The following RBFOX1 variants were observed in gnomAD, a reference collection of about 807,000 sequenced individuals.
RBFOX1 encodes the protein RNA binding fox-1 homolog 1, also known as RNA binding protein fox-1 homolog 1.
RBFOX1 carries 8 observed loss-of-function variants against 57.7 expected under a neutral mutation model. The ratio of observed to expected loss-of-function variants is 0.14; its 90% confidence interval spans 0.08 to 0.25. RBFOX1 has a LOEUF of 0.25. RBFOX1 is among the 10% of genes least tolerant of loss of function. RBFOX1 has a pLI of 1.00. For missense variants in RBFOX1, 611 were observed against 548.5 expected, an observed-to-expected ratio of 1.11 and a Z score of -1.14; for synonymous variants, 326 against 222.4, an observed-to-expected ratio of 1.47 and a Z score of -4.15.
intron 4 of RBFOX1, among the ~76,000 whole-genome samples, chr16:7,215,370 T>G (rs542808300): frequency 4.6e-5 from 7 of 152,314 alleles, no homozygotes; most frequent in African/African-American, 9.6e-5. Context: ...CCTGCACATG[T>G]ATGTTTATTG....
At chr16:6,752,012 G>C (rs2075019460) in intron 3 of RBFOX1, among the ~76,000 whole-genome samples, 1 of 152,108 alleles carries the variant, frequency 6.6e-6, no homozygotes, top group African/African-American at 2.4e-5. Flanking sequence ...GTTGGAATAG[G>C]TGACTCAGTA....
intron 4 of RBFOX1, among the ~76,000 whole-genome samples, chr16:7,370,509 C>T (rs2097546892): frequency 6.6e-6 from 1 of 152,164 alleles, no homozygotes; most frequent in South Asian, 2.1e-4. Context: ...CCTCACTTTC[C>T]CTTCTTCCCC....
At chr16:7,668,681 C>CAG (rs397791455) in intron 13 of RBFOX1, among the ~76,000 whole-genome samples, 9 of 151,810 alleles carry the variant, frequency 5.9e-5, no homozygotes, top group South Asian at 2.1e-4. Context: ...CACACACACA[C>CAG]TTTTGTATAA....
chr16:6,448,156 CTTTTTT>C (rs397969435), intron 2 of RBFOX1, among the ~76,000 whole-genome samples: 3 of 78,460 alleles, frequency 3.8e-5, no homozygotes, highest in African/African-American at 1.7e-4. Flanking sequence ...TCTTTTCTTT[CTTTTTT>C]TTTTTTTTTT....
chr16:6,871,962 T>TCTG (rs2060982913), intron 3 of RBFOX1, among the ~76,000 whole-genome samples: 2 of 144,604 alleles, frequency 1.4e-5, no homozygotes, highest in African/African-American at 5.1e-5. Flanking sequence ...TGTGTGTGTG[T>TCTG]TTCCCTCGGT....
At chr16:5,922,190 T>C (rs1307173707) in intron 4 of RBFOX1, among the ~76,000 whole-genome samples, 6 of 151,764 alleles carry the variant, frequency 4.0e-5, no homozygotes, top group Admixed American at 2.6e-4. Flanking sequence ...AAACCCTAGC[T>C]CTCTATGTGA....
At chr16:6,499,339 A>G (rs1452396851) in intron 2 of RBFOX1, among the ~76,000 whole-genome samples, 1 of 151,846 alleles carries the variant, frequency 6.6e-6, no homozygotes, top group African/African-American at 2.4e-5. Flanking sequence ...CCTTTGGGGT[A>G]TTTTTTTACT....
intron 1 of RBFOX1, among the ~76,000 whole-genome samples, chr16:5,348,203 C>T (rs957367896): frequency 1.3e-5 from 2 of 151,910 alleles, no homozygotes; most frequent in Non-Finnish European, 2.9e-5. Flanking sequence ...TCCACCCGCC[C>T]ACTCACCCAT....
At chr16:5,500,711 T>G (rs7192998) in intron 2 of RBFOX1, among the ~76,000 whole-genome samples, 35,607 of 152,086 alleles carry the variant, frequency 0.23, 7,155 homozygotes, top group African/African-American at 0.55. Context: ...ATGGTCCCGT[T>G]GGCAAAGTGT....
intron 2 of RBFOX1, among the ~76,000 whole-genome samples, chr16:6,493,330 G>A (rs981447746): frequency 2.0e-5 from 3 of 152,112 alleles, no homozygotes; most frequent in Admixed American, 6.6e-5. Context: ...TATTAAATAT[G>A]TGTTAACAGT....
At chr16:6,745,065 T>C (rs2073250287) in intron 3 of RBFOX1, among the ~76,000 whole-genome samples, 1 of 152,064 alleles carries the variant, frequency 6.6e-6, no homozygotes, top group African/African-American at 2.4e-5. Context: ...CCTTATTTTA[T>C]GATATTAAGA....
rs1030670233 is a variant in RBFOX1 at position 6,019,443 on chromosome 16, G to C, written c.-676G>C. On this transcript the variant is annotated 5_prime_UTR_variant, in exon 1 of 16. Transcript: ENST00000550418. This position sits in a 1 kb window ranked among gnomAD's most constrained non-coding sequence, Gnocchi z 4.2. Reference sequence around the variant, plus strand: ...GGACGGAGCCCAGGGGCCGCGTCGGGTGGGGAAACCCGAACTCGCGGAGGG... The same window carrying C: ...GGACGGAGCCCAGGGGCCGCGTCGGCTGGGGAAACCCGAACTCGCGGAGGG... The C allele has an allele frequency of 1.0e-6, 1 of 990,324 alleles. No homozygotes were observed. Among genetic ancestry groups the C allele is most frequent in the Non-Finnish European group, 1.2e-6 (1 of 833,474 alleles). The allele number at this position is 990,324 out of a possible 1,614,324, so 61.3% of individuals were successfully genotyped here.
At chr16:6,379,681 CAAAAAAA>C (rs5815304) in intron 2 of RBFOX1, among the ~76,000 whole-genome samples, 1 of 96,480 alleles carries the variant, frequency 1.0e-5, no homozygotes, top group Non-Finnish European at 2.1e-5. Flanking sequence ...ATTTAGCTAC[CAAAAAAA>C]AAAAAAAAAA....
At chr16:6,822,289 C>A (rs535647178) in intron 3 of RBFOX1, among the ~76,000 whole-genome samples, 54 of 152,148 alleles carry the variant, frequency 3.5e-4, no homozygotes, top group South Asian at 2.3e-3. Flanking sequence ...TCCATTCTAT[C>A]ACCATTATTC....
At chr16:5,974,541 C>T (rs773801938) in intron 4 of RBFOX1, among the ~76,000 whole-genome samples, 4 of 151,978 alleles carry the variant, frequency 2.6e-5, no homozygotes, top group South Asian at 2.1e-4. Flanking sequence ...ACCCGGGAGG[C>T]GGAGGTTGCA....
intron 2 of RBFOX1, among the ~76,000 whole-genome samples, chr16:6,637,518 T>C (rs1348720742): frequency 9.7e-6 from 1 of 103,462 alleles, no homozygotes; most frequent in Non-Finnish European, 1.8e-5. Flanking sequence ...ATATAGTATA[T>C]ATAATATTCT....
chr16:6,519,304 G>A (rs1414866935), intron 2 of RBFOX1, among the ~76,000 whole-genome samples: 2 of 152,192 alleles, frequency 1.3e-5, no homozygotes, highest in Non-Finnish European at 2.9e-5. Context: ...TGATACTATT[G>A]TGTTGCATTG....
intron 2 of RBFOX1, among the ~76,000 whole-genome samples, chr16:6,544,833 G>A (rs949519435): frequency 5.3e-5 from 8 of 152,190 alleles, no homozygotes; most frequent in African/African-American, 1.7e-4. Context: ...CCCACGACCA[G>A]TGATATTATG....
intron 4 of RBFOX1, among the ~76,000 whole-genome samples, chr16:7,237,464 C>G (rs771029360): frequency 1.3e-5 from 2 of 152,194 alleles, no homozygotes; most frequent in Non-Finnish European, 2.9e-5. Context: ...CAGATTGTAA[C>G]TCATTTACAT....
Sources: allele counts gnomAD v4.1 joint callset (sites outside exome capture counted in the v4.1 genomes callset), GRCh38; gene constraint gnomAD v4.1.1; non-coding constraint Gnocchi (gnomAD v3.1); transcripts MANE v1.5; gene names NCBI Gene and HGNC (gene_info 2026-07-23, HGNC 2026-07-21).